Variants in IKZF2 observed in about 807,000 individuals in gnomAD.
IKZF2 encodes IKAROS family zinc finger 2.
IKZF2 carries 15 observed loss-of-function variants against 49.2 expected under a neutral mutation model. That is an observed-to-expected ratio of 0.30 (90% CI 0.20 to 0.47). The LOEUF (loss-of-function observed/expected upper bound fraction) is 0.47. IKZF2 is among the 20% of genes least tolerant of loss of function. The pLI, the probability that IKZF2 is intolerant of heterozygous loss-of-function variation, is 1.00. For missense variants in IKZF2, 567 were observed against 664.6 expected (o/e 0.85, Z 1.61); for synonymous variants, 227 against 221.4 (o/e 1.03, Z -0.23).
At chr2:213,095,497 G>T (rs1017250705) in intron 4 of IKZF2, among the ~76,000 whole-genome samples, 9 of 151,968 alleles carry the variant, frequency 5.9e-5, no homozygotes, top group African/African-American at 1.9e-4. Flanking sequence ...AATCTTCAAT[G>T]AAGAGCTTTA....
intron 2 of IKZF2, 68 bp from the exon 3 acceptor site, chr2:213,148,712 T>G: frequency 7.4e-7 from 1 of 1,346,038 alleles, no homozygotes; most frequent in Non-Finnish European, 1.1e-6. Context: ...AATTCTTAAC[T>G]TATTTGAAGC....
intron 4 of IKZF2, among the ~76,000 whole-genome samples, chr2:213,075,007 A>G (rs1703103195): frequency 6.6e-6 from 1 of 152,182 alleles, no homozygotes; most frequent in Non-Finnish European, 1.5e-5. Flanking sequence ...TCTAGAAGAC[A>G]ATTCTAAAGT....
chr2:213,144,908 AGG>A (rs2060995746), intron 4 of IKZF2, among the ~76,000 whole-genome samples: 1 of 151,946 alleles, frequency 6.6e-6, no homozygotes, highest in Non-Finnish European at 1.5e-5. Context: ...AAAAACTGTC[AGG>A]CATTATAACA....
intron 4 of IKZF2, among the ~76,000 whole-genome samples, chr2:213,081,401 ACT>A (rs1224472458): frequency 6.6e-6 from 1 of 152,198 alleles, no homozygotes; most frequent in Non-Finnish European, 1.5e-5. Context: ...GAAGTAATTC[ACT>A]CTTTTAAACA....
At chr2:213,106,642 T>TA (rs56160319) in intron 4 of IKZF2, among the ~76,000 whole-genome samples, 55,604 of 126,354 alleles carry the variant, frequency 0.44, 12,276 homozygotes, top group East Asian at 0.71. Flanking sequence ...AAACCCTGTC[T>TA]AAAAAAAAAA....
intron 4 of IKZF2, among the ~76,000 whole-genome samples, chr2:213,146,828 T>C (rs1322563953): frequency 6.6e-6 from 1 of 151,222 alleles, no homozygotes; most frequent in Non-Finnish European, 1.5e-5. Context: ...GTAAATTTAA[T>C]TATATTTACA....
intron 8 of IKZF2, among the ~76,000 whole-genome samples, chr2:213,012,496 C>T (rs1159701323): frequency 2.6e-5 from 4 of 151,872 alleles, no homozygotes; most frequent in Non-Finnish European, 5.9e-5. Flanking sequence ...AGTAAACTGG[C>T]TCTTTATTTC....
intron 4 of IKZF2, among the ~76,000 whole-genome samples, chr2:213,106,933 A>T (rs1331122511): frequency 6.6e-6 from 1 of 152,222 alleles, no homozygotes; most frequent in Non-Finnish European, 1.5e-5. Context: ...TTAATTTAAA[A>T]TATTCCTTAT....
chr2:213,138,913 G>A (rs1465346689), intron 4 of IKZF2, among the ~76,000 whole-genome samples: 6 of 151,900 alleles, frequency 3.9e-5, no homozygotes, highest in African/African-American at 1.2e-4. Context: ...TCTTTCCTAG[G>A]TGGTAGTGCT....
In IKZF2 at chr2:213,002,688, T is replaced by C. The variant is rs1337685754; in HGVS notation, c.*4672A>G. 6.6e-6 allele frequency: 1 copy of C among 151,952 alleles called. No homozygotes were observed. Among genetic ancestry groups the C allele is most frequent in the Non-Finnish European group, 1.5e-5 (1 of 67,536 alleles). 9.4% of individuals were successfully genotyped at this position (151,952 alleles called of 1,614,324 possible). A position where few individuals can be genotyped will look rare whatever the true frequency, so the allele number is the denominator to read the frequency against. On this transcript the variant is annotated 3_prime_UTR_variant, in exon 9 of 9. Coordinates refer to ENST00000434687, the MANE Select transcript of IKZF2 (RefSeq NM_001387220.1). The stretch of plus-strand genomic sequence containing the variant: ...ATATGACTGTTCAGTTTTGCTTTGT[T>C]CAAGGAGAATTAATTACCTGCTTTT...
intron 4 of IKZF2, among the ~76,000 whole-genome samples, chr2:213,076,993 T>C (rs73990519): frequency 0.022 from 3,284 of 152,220 alleles, 101 homozygotes; most frequent in African/African-American, 0.074. Flanking sequence ...TCAAGGAAAA[T>C]TTTGGTTTCC....
At position 213,001,352 on chromosome 2, in the gene IKZF2, A is replaced by G. The variant is rs2124940145; in HGVS notation, c.*6008T>C. The G allele has an allele frequency of 6.6e-6, 1 of 152,092 alleles. No individual in the cohort carries two copies. Among genetic ancestry groups the G allele is most frequent in the Non-Finnish European group, 1.5e-5 (1 of 67,594 alleles). The allele number at this position is 152,092 out of a possible 1,614,324, so 9.4% of individuals were successfully genotyped here. A position where few individuals can be genotyped will look rare whatever the true frequency, so the allele number is the denominator to read the frequency against. ...TTAACACCTTTCTAAACACTTGCAA[A>G]TAACTGTCTAGTCTTTCATGATATA... is the stretch of plus-strand genomic sequence containing the variant. On this transcript the variant is annotated 3_prime_UTR_variant, in exon 9 of 9. Coordinates refer to ENST00000434687, the MANE Select transcript of IKZF2 (RefSeq NM_001387220.1).
At chr2:213,124,263 C>T (rs1286490516) in intron 4 of IKZF2, among the ~76,000 whole-genome samples, 1 of 59,148 alleles carries the variant, frequency 1.7e-5, no homozygotes, top group South Asian at 3.9e-4. Flanking sequence ...CACACACACA[C>T]ACACACACAC....
chr2:213,108,668 G>A (rs552722237), intron 4 of IKZF2, among the ~76,000 whole-genome samples: 2 of 152,146 alleles, frequency 1.3e-5, no homozygotes, highest in South Asian at 2.1e-4. Context: ...GCTTTAAAGT[G>A]CTTTTCTTTA....
chr2:213,140,828 T>G (rs1232076993), intron 4 of IKZF2, among the ~76,000 whole-genome samples: 2 of 151,998 alleles, frequency 1.3e-5, no homozygotes, highest in Non-Finnish European at 2.9e-5. Context: ...GATCAAATAC[T>G]GAGAATTACT....
intron 4 of IKZF2, among the ~76,000 whole-genome samples, chr2:213,089,874 T>C (rs1574806582): frequency 6.6e-6 from 1 of 152,146 alleles, no homozygotes; most frequent in East Asian, 1.9e-4. Flanking sequence ...CAAAAAATGA[T>C]GGAACTGAAA....
intron 6 of IKZF2, among the ~76,000 whole-genome samples, chr2:213,025,450 A>G (rs114090891): frequency 6.6e-6 from 1 of 151,952 alleles, no homozygotes; most frequent in South Asian, 2.1e-4. Flanking sequence ...CTCTCACAGA[A>G]CTCTGTTCGT....
chr2:213,115,192 C>T (rs1282288837), intron 4 of IKZF2, among the ~76,000 whole-genome samples: 2 of 152,108 alleles, frequency 1.3e-5, no homozygotes, highest in East Asian at 1.9e-4. Flanking sequence ...GTATTCGATA[C>T]GTTTACTGAA....
intron 4 of IKZF2, among the ~76,000 whole-genome samples, chr2:213,087,563 T>G (rs1337256058): frequency 6.6e-6 from 1 of 152,164 alleles, no homozygotes; most frequent in Admixed American, 6.6e-5. Context: ...GTTACACATG[T>G]ATACATGTGC....
Sources: allele counts gnomAD v4.1 joint callset (sites outside exome capture counted in the v4.1 genomes callset), GRCh38; gene constraint gnomAD v4.1.1; transcripts MANE v1.5; gene names NCBI Gene and HGNC (gene_info 2026-07-23, HGNC 2026-07-21).